The following CSMD1 variants were observed in gnomAD, a reference collection of about 807,000 sequenced individuals.
CSMD1 encodes CUB and Sushi multiple domains 1, also known as CUB and sushi domain-containing protein 1.
A neutral mutation model predicts 417.5 loss-of-function variants in CSMD1; 213 were observed. The ratio of observed to expected loss-of-function variants is 0.51; its 90% CI spans 0.46 to 0.57. The LOEUF is 0.57. Ranked by LOEUF, CSMD1 falls within the 20% of genes least tolerant of loss-of-function variation. The probability of loss-of-function intolerance (pLI) is 0.00; values close to 1 mark genes in which losing one functional copy is unlikely to be tolerated. For synonymous variants in CSMD1, 2,862 were observed against 1,736.8 expected, an observed-to-expected ratio of 1.65 and a Z score of -16.11; for missense variants, 6,923 against 4,529.7, an observed-to-expected ratio of 1.53 and a Z score of -15.17.
At chr8:4,198,297 G>A (rs1013328608) in intron 3 of CSMD1, among the ~76,000 whole-genome samples, 2 of 152,222 alleles carry the variant, frequency 1.3e-5, no homozygotes, top group Non-Finnish European at 2.9e-5. Context: ...CAGAGAAGTG[G>A]CAGCAGGGGC....
Position 4,256,502 on chromosome 8 carries a change from T to C in CSMD1, c.415+163451A>G, listed in dbSNP as rs1046822417. Among the ~76,000 whole-genome samples, 19 of 152,184 alleles carry C rather than the reference T, an allele frequency of 1.2e-4. 1 individual carries two copies. Among genetic ancestry groups the C allele is most frequent in the African/African-American group, 3.6e-4 (15 of 41,440 alleles). On this transcript the variant is annotated intron_variant, in intron 3 of 69. Transcript: ENST00000635120. The stretch of plus-strand genomic sequence containing the variant: ...GGTAAAGGGAGGTTCTCAGTGAGTG[T>C]ATAAAGAAATAAACAGTTATAAACA...
chr8:4,249,455 A>G (rs1282752864), intron 3 of CSMD1, among the ~76,000 whole-genome samples: 2 of 152,178 alleles, frequency 1.3e-5, no homozygotes, highest in African/African-American at 4.8e-5. Flanking sequence ...AACCATGGAG[A>G]CAGTGCGTGA....
intron 7 of CSMD1, among the ~76,000 whole-genome samples, chr8:3,665,148 C>A (rs554764267): frequency 6.6e-6 from 1 of 152,224 alleles, no homozygotes; most frequent in South Asian, 2.1e-4. Flanking sequence ...GTATCATGAG[C>A]ATTGACCAAT....
intron 5 of CSMD1, among the ~76,000 whole-genome samples, chr8:3,928,112 G>A (rs1159138163): frequency 2.0e-5 from 3 of 151,894 alleles, no homozygotes; most frequent in South Asian, 4.1e-4. Context: ...GACATACAAA[G>A]GTAAATAAAC....
chr8:4,310,133 G>C (rs144687551), intron 3 of CSMD1, among the ~76,000 whole-genome samples: 13 of 152,258 alleles, frequency 8.5e-5, no homozygotes, highest in South Asian at 2.1e-4. Context: ...CCTGCTCCTA[G>C]TAACTGCTTC....
At chr8:3,485,866 T>C (rs980872654) in intron 11 of CSMD1, among the ~76,000 whole-genome samples, 1 of 152,076 alleles carries the variant, frequency 6.6e-6, no homozygotes, top group Non-Finnish European at 1.5e-5. Flanking sequence ...CAGTGGATCA[T>C]ATCAAGGTGA....
At chr8:2,971,368 T>C (rs957915162) in intron 57 of CSMD1, among the ~76,000 whole-genome samples, 1 of 152,174 alleles carries the variant, frequency 6.6e-6, no homozygotes, top group African/African-American at 2.4e-5. Context: ...TCTGAAAGAA[T>C]CACTCAGACG....
At chr8:3,297,249 C>T (rs559134705) in intron 25 of CSMD1, among the ~76,000 whole-genome samples, 1 of 152,146 alleles carries the variant, frequency 6.6e-6, no homozygotes, top group South Asian at 2.1e-4. Flanking sequence ...GTCAGTTTTC[C>T]CCAGAATGAT....
At chr8:4,745,740 C>A (rs908104446) in intron 1 of CSMD1, among the ~76,000 whole-genome samples, 6 of 152,190 alleles carry the variant, frequency 3.9e-5, no homozygotes. Context: ...TGGAGTAACA[C>A]TCTCCAACAT....
intron 5 of CSMD1, among the ~76,000 whole-genome samples, chr8:3,920,264 G>A (rs1006131035): frequency 2.6e-5 from 4 of 151,748 alleles, no homozygotes; most frequent in Non-Finnish European, 2.9e-5. Flanking sequence ...TGAACTCCTG[G>A]GCTCAAGTGA....
intron 7 of CSMD1, among the ~76,000 whole-genome samples, chr8:3,667,414 T>C (rs1187475571): frequency 6.6e-6 from 1 of 152,016 alleles, no homozygotes; most frequent in Admixed American, 6.6e-5. Flanking sequence ...TGTGGAGATC[T>C]TGGGGAAGAG....
rs1554524895 is a variant in CSMD1 at position 4,613,876 on chromosome 8, A to AAG, written c.302+23465_302+23466insCT. Among the ~76,000 whole-genome samples, 141 of 151,418 alleles carry AAG rather than the reference A, an allele frequency of 9.3e-4. 1 individual carries two copies. The highest frequency in any genetic ancestry group is 3.3e-3 in the African/African-American group (135 of 41,252). ...GTCTAATGCCAAAAAAAAAAAAAAA[A>AAG]GAAAACGTTCCTCAATCACTCCATC... On this transcript the variant is annotated intron_variant, in intron 2 of 69. Transcript: ENST00000635120.
intron 33 of CSMD1, among the ~76,000 whole-genome samples, chr8:3,191,429 C>A (rs1046255856): frequency 6.6e-6 from 1 of 152,068 alleles, no homozygotes; most frequent in African/African-American, 2.4e-5. Flanking sequence ...GCACTCCAGC[C>A]TGGGTGAAAG....
At chr8:4,296,516 C>G (rs1187919112) in intron 3 of CSMD1, among the ~76,000 whole-genome samples, 1 of 151,902 alleles carries the variant, frequency 6.6e-6, no homozygotes, top group African/African-American at 2.4e-5. Context: ...GAGGGTTTAT[C>G]TATTTCTGAT....
intron 3 of CSMD1, among the ~76,000 whole-genome samples, chr8:4,181,341 T>C (rs976677433): frequency 6.6e-6 from 1 of 151,454 alleles, no homozygotes; most frequent in African/African-American, 2.4e-5. Context: ...AGAAATGCAA[T>C]GGTACGGTTT....
intron 3 of CSMD1, among the ~76,000 whole-genome samples, chr8:4,065,425 A>G (rs969332172): frequency 6.6e-6 from 1 of 152,240 alleles, no homozygotes; most frequent in African/African-American, 2.4e-5. Flanking sequence ...CTTCTAGAGA[A>G]TAATTGAATC....
intron 2 of CSMD1, among the ~76,000 whole-genome samples, chr8:4,471,732 C>G (rs930766473): frequency 8.3e-6 from 1 of 120,112 alleles, no homozygotes; most frequent in South Asian, 2.7e-4. Flanking sequence ...AGCAAACACG[C>G]GGAGAAAAGA....
At chr8:4,612,769 A>T (rs896399709) in intron 2 of CSMD1, among the ~76,000 whole-genome samples, 11 of 152,186 alleles carry the variant, frequency 7.2e-5, no homozygotes, top group Admixed American at 3.9e-4. Flanking sequence ...ATCTATGCAC[A>T]CTCAACAAAC....
chr8:4,358,289 G>C (rs1801548727), intron 3 of CSMD1, among the ~76,000 whole-genome samples: 1 of 152,176 alleles, frequency 6.6e-6, no homozygotes, highest in Non-Finnish European at 1.5e-5. Context: ...CGCGGCCATG[G>C]GCCAGATCCA....
Sources: allele counts gnomAD v4.1 joint callset (sites outside exome capture counted in the v4.1 genomes callset), GRCh38; gene constraint gnomAD v4.1.1; transcripts MANE v1.5; gene names NCBI Gene and HGNC (gene_info 2026-07-23, HGNC 2026-07-21).